Variants in FNDC3B observed in about 807,000 individuals in gnomAD.
The protein encoded by FNDC3B is fibronectin type III domain containing 3B, also known as fibronectin type III domain-containing protein 3B.
A neutral mutation model predicts 151.5 loss-of-function variants in FNDC3B; 12 were observed. The ratio of observed to expected loss-of-function variants is 0.08; its 90% CI spans 0.05 to 0.13. The LOEUF (loss-of-function observed/expected upper bound fraction) is 0.13, where lower values mean the gene tolerates loss of function less well. FNDC3B is among the 10% of genes least tolerant of loss of function. The pLI, the probability that FNDC3B is intolerant of heterozygous loss-of-function variation, is 1.00. For missense variants in FNDC3B, 1,214 were observed against 1,505.3 expected (o/e 0.81, Z 3.20); for synonymous variants, 528 against 549.0 (o/e 0.96, Z 0.54).
chr3:172,372,599 G>A (rs982405337), intron 23 of FNDC3B, among the ~76,000 whole-genome samples: 8 of 152,158 alleles, frequency 5.3e-5, no homozygotes, highest in Admixed American at 2.6e-4. Flanking sequence ...CTAAATGTCT[G>A]GCATAGGCTG....
intron 25 of FNDC3B, among the ~76,000 whole-genome samples, chr3:172,393,846 C>G (rs770885059): frequency 6.6e-6 from 1 of 151,944 alleles, no homozygotes; most frequent in Non-Finnish European, 1.5e-5. Flanking sequence ...CAGTGGCTCA[C>G]ACCTGTAATC....
At chr3:172,236,561 G>T (rs1727175592) in intron 4 of FNDC3B, among the ~76,000 whole-genome samples, 1 of 152,170 alleles carries the variant, frequency 6.6e-6, no homozygotes, top group East Asian at 1.9e-4. Context: ...TTTGCTTTCA[G>T]CATCAGTCCC....
At chr3:172,086,219 G>A (rs1237246296) in intron 1 of FNDC3B, among the ~76,000 whole-genome samples, 2 of 152,064 alleles carry the variant, frequency 1.3e-5, no homozygotes, top group African/African-American at 4.8e-5. Flanking sequence ...AATTAGCTGG[G>A]TATGGTGGCA....
chr3:172,316,297 G>C, intron 11 of FNDC3B: 2 of 417,426 alleles, frequency 4.8e-6, no homozygotes, highest in South Asian at 3.4e-5. Flanking sequence ...ACCATGCCCA[G>C]CCCTGCTTCT....
At chr3:172,235,812 C>T (rs922616093) in intron 4 of FNDC3B, among the ~76,000 whole-genome samples, 1 of 152,126 alleles carries the variant, frequency 6.6e-6, no homozygotes, top group Non-Finnish European at 1.5e-5. Context: ...ATGAATATGC[C>T]AGTTGCCTGT....
chr3:172,297,703 T>A (rs1004184347), intron 8 of FNDC3B, among the ~76,000 whole-genome samples: 10 of 152,176 alleles, frequency 6.6e-5, no homozygotes, highest in South Asian at 2.1e-4. Flanking sequence ...CTCGATCTCC[T>A]GACCTCGTGA....
chr3:172,226,305 CAAA>C (rs199864393), intron 3 of FNDC3B, among the ~76,000 whole-genome samples: 2 of 119,634 alleles, frequency 1.7e-5, no homozygotes, highest in African/African-American at 6.2e-5. Context: ...AACTCTGTCT[CAAA>C]AAAAAAAAAA....
intron 3 of FNDC3B, among the ~76,000 whole-genome samples, chr3:172,172,596 A>G (rs1723339663): frequency 6.6e-6 from 1 of 152,218 alleles, no homozygotes; most frequent in Non-Finnish European, 1.5e-5. Context: ...ATATCTTTCT[A>G]TGGGAATCCA....
intron 23 of FNDC3B, among the ~76,000 whole-genome samples, chr3:172,376,864 AAGAAAGAAAAGAAAAG>A (rs1378747369): frequency 1.1e-4 from 9 of 83,480 alleles, no homozygotes. Context: ...AAAAAAAAAA[AAGAAAGAAAAGAAAAG>A]AAAAAGAAAA....
At chr3:172,230,532 A>C (rs1726839221) in intron 4 of FNDC3B, among the ~76,000 whole-genome samples, 1 of 151,950 alleles carries the variant, frequency 6.6e-6, no homozygotes, top group Non-Finnish European at 1.5e-5. Context: ...ACAACAACAA[A>C]AATTAAAAGA....
chr3:172,150,285 T>C (rs1722153004), intron 3 of FNDC3B, among the ~76,000 whole-genome samples: 1 of 152,006 alleles, frequency 6.6e-6, no homozygotes, highest in African/African-American at 2.4e-5. Context: ...TAGTTTACGT[T>C]GCACTTCAAA....
chr3:172,309,486 A>G (rs1731358549), intron 10 of FNDC3B, among the ~76,000 whole-genome samples: 1 of 150,846 alleles, frequency 6.6e-6, no homozygotes, highest in Admixed American at 6.6e-5. Context: ...CATCTTAGAG[A>G]ACTTTGATTT....
chr3:172,348,406 C>G (rs944870007), intron 21 of FNDC3B, among the ~76,000 whole-genome samples: 1 of 152,192 alleles, frequency 6.6e-6, no homozygotes, highest in African/African-American at 2.4e-5. Flanking sequence ...ACCTTTCTTG[C>G]TTCTCGAATG....
intron 1 of FNDC3B, among the ~76,000 whole-genome samples, chr3:172,064,140 T>C (rs952118784): frequency 3.3e-5 from 5 of 152,140 alleles, no homozygotes; most frequent in African/African-American, 4.8e-5. Flanking sequence ...AGACTCTCTC[T>C]TAAAATAGAT....
At chr3:172,293,444 G>A (rs546122530) in intron 7 of FNDC3B, among the ~76,000 whole-genome samples, 11 of 152,318 alleles carry the variant, frequency 7.2e-5, no homozygotes, top group Non-Finnish European at 1.3e-4. Flanking sequence ...CAGAAACTCA[G>A]ACTATCTTAT....
At chr3:172,121,487 A>G (rs1183408926) in intron 2 of FNDC3B, among the ~76,000 whole-genome samples, 1 of 152,226 alleles carries the variant, frequency 6.6e-6, no homozygotes, top group African/African-American at 2.4e-5. Flanking sequence ...TCACTAAAGC[A>G]TAGACAGGCC....
Position 172,211,801 on chromosome 3 carries a change from T to G in FNDC3B, c.188-15070T>G, listed in dbSNP as rs529878498. Among the ~76,000 whole-genome samples the G allele has an allele frequency of 3.3e-5, 5 of 152,358 alleles. No homozygotes were observed. The East Asian group carries it at 7.7e-4, about 23-fold the overall frequency. ...TGAGATAGTAAACTCTACATTGAAGTATTCTGCTACTTGTTAGAAATTTTG... is the reference window on the plus strand; with the variant it reads ...TGAGATAGTAAACTCTACATTGAAGGATTCTGCTACTTGTTAGAAATTTTG... On this transcript the variant is annotated intron_variant, in intron 3 of 25. Transcript: ENST00000415807.
intron 1 of FNDC3B, among the ~76,000 whole-genome samples, chr3:172,073,045 T>A (rs1376790556): frequency 6.6e-6 from 1 of 152,166 alleles, no homozygotes; most frequent in Non-Finnish European, 1.5e-5. Flanking sequence ...GTGGCAGGTA[T>A]TGGACCATAG....
chr3:172,152,534 G>A (rs891114245), intron 3 of FNDC3B, among the ~76,000 whole-genome samples: 1 of 142,130 alleles, frequency 7.0e-6, no homozygotes, highest in African/African-American at 2.7e-5. Context: ...CCTGTTTCCT[G>A]TTTTTTCTCC....
Sources: gnomAD v4.1 joint callset for allele counts (sites outside exome capture counted in the v4.1 genomes callset) on GRCh38, gnomAD v4.1.1 for gene constraint, MANE v1.5 for transcripts, NCBI Gene and HGNC (gene_info 2026-07-23, HGNC 2026-07-21) for gene names.